PDE7A: variants seen among roughly 807,000 people sequenced by gnomAD.
PDE7A encodes the protein high affinity 3',5'-cyclic-AMP phosphodiesterase 7A.
Under a neutral mutation model 64.3 loss-of-function variants are expected in PDE7A, and 39 were observed. The ratio of observed to expected loss-of-function variants is 0.61; its 90% CI spans 0.47 to 0.79. The LOEUF (loss-of-function observed/expected upper bound fraction) is 0.79. PDE7A is among the 30% of genes least tolerant of loss of function. PDE7A has a pLI of 0.00. For synonymous variants in PDE7A, 203 were observed against 206.8 expected, an observed-to-expected ratio of 0.98 and a Z score of 0.16; for missense variants, 470 against 582.8, an observed-to-expected ratio of 0.81 and a Z score of 1.99.
chr8:65,724,188 T>G (rs565360429), intron 11 of PDE7A, 67 bp downstream of exon 11: 1 of 982,620 alleles, frequency 1.0e-6, no homozygotes, highest in South Asian at 1.3e-5. Context: ...ATTGAGTTAT[T>G]TTATTCTTAC....
chr8:65,790,609 A>C (rs1042947543), intron 1 of PDE7A, among the ~76,000 whole-genome samples: 1 of 152,256 alleles, frequency 6.6e-6, no homozygotes, highest in Admixed American at 6.5e-5. Flanking sequence ...TAGGCTTGTC[A>C]AAATGAAGTG....
chr8:65,753,670 G>T (rs551591524), intron 3 of PDE7A, among the ~76,000 whole-genome samples: 1 of 152,100 alleles, frequency 6.6e-6, no homozygotes, highest in East Asian at 1.9e-4. Context: ...TCAGGTGCTC[G>T]ATTTCCTTAT....
intron 3 of PDE7A, among the ~76,000 whole-genome samples, chr8:65,774,022 C>G (rs1028496768): frequency 2.0e-5 from 3 of 152,144 alleles, no homozygotes; most frequent in African/African-American, 7.2e-5. Flanking sequence ...CCAAAACATA[C>G]TTTTACTTAA....
intron 7 of PDE7A, among the ~76,000 whole-genome samples, chr8:65,731,994 TG>T (rs1432695160): frequency 3.3e-5 from 5 of 151,752 alleles, no homozygotes; most frequent in African/African-American, 4.8e-5. Flanking sequence ...TTATTGTTGT[TG>T]TTGTTGTTGT....
chr8:65,826,195 T>A (rs1810669211), intron 1 of PDE7A, among the ~76,000 whole-genome samples: 1 of 152,020 alleles, frequency 6.6e-6, no homozygotes, highest in African/African-American at 2.4e-5. Flanking sequence ...TGAAAAGGAG[T>A]TTGAATTGTG....
At chr8:65,823,200 A>G (rs1810584431) in intron 1 of PDE7A, among the ~76,000 whole-genome samples, 1 of 152,110 alleles carries the variant, frequency 6.6e-6, no homozygotes, top group Non-Finnish European at 1.5e-5. Context: ...CCACACCTCA[A>G]ATAGAAATGA....
intron 7 of PDE7A, among the ~76,000 whole-genome samples, chr8:65,734,023 A>G (rs992076226): frequency 2.2e-4 from 33 of 152,328 alleles, no homozygotes; most frequent in African/African-American, 7.7e-4. Context: ...CCAAATCCAT[A>G]CATTAAGTCT....
rs543717631 is a variant in PDE7A at position 65,769,731 on chromosome 8, AC to A, written c.283+9988del. On this transcript the variant is annotated intron_variant, in intron 3 of 12. Coordinates refer to ENST00000401827, the MANE Select transcript of PDE7A (RefSeq NM_001242318.3). ...GCCAACATAGTGAAACCCCGTCTCTACTGAAAATACAAATATTAGCCGGGCA... is the reference window on the plus strand; with the variant it reads ...GCCAACATAGTGAAACCCCGTCTCTATGAAAATACAAATATTAGCCGGGCA... Among the ~76,000 whole-genome samples the A allele has an allele frequency of 2.4e-4, 37 of 152,306 alleles. 1 individual carries two copies. In the South Asian group the frequency reaches 7.1e-3, roughly 29 times the overall value.
Position 65,779,820 on chromosome 8 carries a change from A to G in PDE7A, c.200-17T>C, listed in dbSNP as rs779034134. On this transcript the variant is annotated splice_polypyrimidine_tract_variant and intron_variant, in intron 2 of 12. Coordinates refer to ENST00000401827, the MANE Select transcript of PDE7A (RefSeq NM_001242318.3). The stretch of plus-strand genomic sequence containing the variant: ...GTACATCTCCTGGACAGAATCAAGA[A>G]TAAAACATAAGTTTAGAAGGTTGTC... The G allele has an allele frequency of 1.5e-5, 23 of 1,509,956 alleles. No homozygotes were observed. Among genetic ancestry groups the G allele is most frequent in the Non-Finnish European group, 1.9e-5 (21 of 1,097,622 alleles). 93.5% of individuals were successfully genotyped at this position (1,509,956 alleles called of 1,614,324 possible).
At chr8:65,804,884 C>T (rs891325062) in intron 1 of PDE7A, among the ~76,000 whole-genome samples, 2 of 152,106 alleles carry the variant, frequency 1.3e-5, no homozygotes, top group Non-Finnish European at 2.9e-5. Context: ...GTCACCCAAG[C>T]TGGAGTACAG....
At chr8:65,817,072 T>C (rs910470642) in intron 1 of PDE7A, among the ~76,000 whole-genome samples, 8 of 152,238 alleles carry the variant, frequency 5.3e-5, no homozygotes, top group Non-Finnish European at 8.8e-5. Context: ...TTCATTTTCT[T>C]GCCATCTCAA....
chr8:65,755,206 A>G (rs1808168272), intron 3 of PDE7A, among the ~76,000 whole-genome samples: 1 of 151,842 alleles, frequency 6.6e-6, no homozygotes, highest in Non-Finnish European at 1.5e-5. Flanking sequence ...TCTTTAGTAG[A>G]GATGGGTTTT....
Position 65,716,097 on chromosome 8 carries a change from G to A in PDE7A, c.*3193C>T, listed in dbSNP as rs184662720. ...TGCTTGAGCCTAGGAGGTGGAGGCT[G>A]CAGTGATCATGCCACTGCACTCCAG... On this transcript the variant is annotated 3_prime_UTR_variant, in exon 13 of 13. Coordinates refer to ENST00000401827, the MANE Select transcript of PDE7A (RefSeq NM_001242318.3). 1.9e-4 allele frequency among the ~76,000 whole-genome samples: 28 copies of A among 146,840 alleles called. No individual in the cohort carries two copies. The East Asian group carries it at 5.2e-3, about 27-fold the overall frequency.
In PDE7A at chr8:65,734,938, C is replaced by T. The variant is rs561438084; in HGVS notation, c.596-44G>A. The T allele has an allele frequency of 3.4e-6, 4 of 1,180,826 alleles. No individual in the cohort carries two copies. In the South Asian group the frequency reaches 3.7e-5, roughly 11 times the overall value. The allele number at this position is 1,180,826 out of a possible 1,614,324, so 73.1% of individuals were successfully genotyped here. On this transcript the variant is annotated intron_variant, in intron 6 of 12. Transcript: ENST00000401827. ...TCCCGATTTTATTGTATATGAGCAA[C>T]ATATACAAGGACAAAAATTGTGATA...
intron 3 of PDE7A, among the ~76,000 whole-genome samples, chr8:65,779,343 C>G (rs920875784): frequency 1.3e-5 from 2 of 151,936 alleles, no homozygotes; most frequent in Non-Finnish European, 2.9e-5. Context: ...TCAAATAAAC[C>G]TAAAAGATAA....
At chr8:65,727,947 A>C (rs895377853) in intron 7 of PDE7A, 1 of 152,242 alleles carries the variant, frequency 6.6e-6, no homozygotes, top group Non-Finnish European at 1.5e-5. Context: ...ATCATTACCA[A>C]ACTTATTTAA....
intron 2 of PDE7A, 82 bp downstream of exon 2, chr8:65,782,701 C>G (rs1809449745): frequency 1.4e-6 from 1 of 728,644 alleles, no homozygotes; most frequent in Admixed American, 2.7e-5. Flanking sequence ...GAAAAGCTAT[C>G]TAATGAAAGA....
At chr8:65,744,744 G>T (rs1807595848) in intron 5 of PDE7A, among the ~76,000 whole-genome samples, 1 of 152,104 alleles carries the variant, frequency 6.6e-6, no homozygotes, top group African/African-American at 2.4e-5. Flanking sequence ...AGATAATAAT[G>T]TTTACTTTGG....
intron 1 of PDE7A, among the ~76,000 whole-genome samples, chr8:65,823,430 C>A (rs1039434987): frequency 6.6e-6 from 1 of 152,110 alleles, no homozygotes; most frequent in African/African-American, 2.4e-5. Context: ...GATATAAATT[C>A]TCCTTAAAAA....
Sources: gnomAD v4.1 joint callset for allele counts (sites outside exome capture counted in the v4.1 genomes callset) on GRCh38, gnomAD v4.1.1 for gene constraint, MANE v1.5 for transcripts, NCBI Gene and HGNC (gene_info 2026-07-23, HGNC 2026-07-21) for gene names.